The following CNTNAP3B variants were observed in gnomAD, a reference collection of about 807,000 sequenced individuals.
CNTNAP3B encodes contactin associated protein family member 3B.
Under a neutral mutation model 108.9 loss-of-function variants are expected in CNTNAP3B, and 25 were observed. The observed-to-expected ratio is 0.23, with a 90% CI of 0.17 to 0.32. The LOEUF is 0.32. Among genes scored for constraint, CNTNAP3B ranks in the 10% least tolerant of loss-of-function variants. The pLI, the probability that CNTNAP3B is intolerant of heterozygous loss-of-function variation, is 1.00. For missense variants in CNTNAP3B, 252 were observed against 1,210.4 expected (o/e 0.21, Z 11.75); for synonymous variants, 103 against 473.4 (o/e 0.22, Z 10.16).
intron 18 of CNTNAP3B, among the ~76,000 whole-genome samples, chr9:41,915,317 C>T: frequency 2.6e-5 from 1 of 39,140 alleles, no homozygotes; most frequent in South Asian, 1.0e-3. Context: ...GAAATACAAC[C>T]AAATTTTTGG....
At chr9:42,118,555 C>T (rs1828376917) in intron 1 of CNTNAP3B, among the ~76,000 whole-genome samples, 1 of 128,980 alleles carries the variant, frequency 7.8e-6, no homozygotes, top group Admixed American at 7.8e-5. Context: ...CTATGACAAA[C>T]CCACAGCCAA....
intron 1 of CNTNAP3B, among the ~76,000 whole-genome samples, chr9:42,108,917 A>G (rs1828134473): frequency 7.1e-6 from 1 of 140,522 alleles, no homozygotes. Context: ...ACAGCAGAAG[A>G]TTAAAATTAG....
chr9:42,035,563 GA>G (rs1186210573), intron 3 of CNTNAP3B, among the ~76,000 whole-genome samples: 4 of 147,702 alleles, frequency 2.7e-5, no homozygotes, highest in Admixed American at 2.0e-4. Flanking sequence ...ATAAAATTAT[GA>G]AAATAGTATA....
At chr9:41,942,213 C>T (rs1217857449) in intron 13 of CNTNAP3B, among the ~76,000 whole-genome samples, 4 of 152,394 alleles carry the variant, frequency 2.6e-5, no homozygotes, top group South Asian at 2.1e-4. Context: ...CGGTGGCTCA[C>T]GCCTGTAATC....
chr9:41,957,789 C>T (rs1416889154), intron 12 of CNTNAP3B, among the ~76,000 whole-genome samples: 1 of 152,292 alleles, frequency 6.6e-6, no homozygotes, highest in Admixed American at 6.5e-5. Flanking sequence ...GAGACAAAAT[C>T]TCGCTCTGTC....
chr9:41,950,747 CTTTTTTTTTT>C (rs1196034038), intron 13 of CNTNAP3B, among the ~76,000 whole-genome samples: 2 of 92,414 alleles, frequency 2.2e-5, no homozygotes, highest in Non-Finnish European at 4.0e-5. Context: ...AGGAGGAATT[CTTTTTTTTTT>C]TTTTTTTTTT....
chr9:42,026,674 GTGAA>G (rs1183360985), intron 3 of CNTNAP3B, among the ~76,000 whole-genome samples: 1 of 115,276 alleles, frequency 8.7e-6, no homozygotes, highest in Non-Finnish European at 1.8e-5. Flanking sequence ...ACATAATAGA[GTGAA>G]ATAACCCTTC....
At chr9:41,932,698 T>G (rs1824016774) in intron 14 of CNTNAP3B, among the ~76,000 whole-genome samples, 1 of 152,058 alleles carries the variant, frequency 6.6e-6, no homozygotes, top group African/African-American at 2.4e-5. Context: ...TTTTGTATTT[T>G]TAGTATAGAC....
At chr9:41,926,200 G>A (rs1823814422) in intron 15 of CNTNAP3B, among the ~76,000 whole-genome samples, 1 of 152,404 alleles carries the variant, frequency 6.6e-6, no homozygotes, top group South Asian at 2.1e-4. Flanking sequence ...TCCTCAGTGA[G>A]GTCACTCCTA....
chr9:42,116,906 C>T (rs1282123177), intron 1 of CNTNAP3B, among the ~76,000 whole-genome samples: 1 of 137,614 alleles, frequency 7.3e-6, no homozygotes, highest in East Asian at 2.2e-4. Flanking sequence ...TTTAAACCAA[C>T]AAAGATCAAA....
chr9:41,963,226 G>A (rs1261816056), intron 11 of CNTNAP3B, among the ~76,000 whole-genome samples: 5 of 152,266 alleles, frequency 3.3e-5, no homozygotes, highest in African/African-American at 1.2e-4. Context: ...GTTCTTAAAA[G>A]TTTCAATTAG....
At position 42,127,156 on chromosome 9, in the gene CNTNAP3B, G is replaced by C. The variant is rs1229831459; in HGVS notation, c.85+1854C>G. 5.8e-5 allele frequency among the ~76,000 whole-genome samples: 8 copies of C among 138,690 alleles called. 1 individual carries two copies. The East Asian group carries it at 1.7e-3, about 30-fold the overall frequency. 91.0% of individuals were successfully genotyped at this position (138,690 alleles called of 152,430 possible). On this transcript the variant is annotated intron_variant, in intron 1 of 23. Transcript: ENST00000377561. ...AGGATACTAAGTTTCATCAACGAAA[G>C]AAGACTGAAAACACCCACAGTAGTA... is the stretch of plus-strand genomic sequence containing the variant.
intron 18 of CNTNAP3B, among the ~76,000 whole-genome samples, chr9:41,913,728 T>C (rs1823459056): frequency 7.5e-6 from 1 of 133,290 alleles, no homozygotes; most frequent in Non-Finnish European, 1.6e-5. Context: ...TCTCTACAAA[T>C]TTGTCTATTG....
chr9:41,958,661 G>A (rs1294138607), intron 12 of CNTNAP3B, among the ~76,000 whole-genome samples: 2 of 151,968 alleles, frequency 1.3e-5, no homozygotes, highest in African/African-American at 4.8e-5. Flanking sequence ...GATGGCCAGA[G>A]GTGGGTAATT....
chr9:42,089,928 A>C (rs1409971009), intron 2 of CNTNAP3B, among the ~76,000 whole-genome samples: 1 of 138,732 alleles, frequency 7.2e-6, no homozygotes, highest in East Asian at 2.2e-4. Context: ...CAATATATAA[A>C]GCCCGTTTGA....
chr9:41,973,155 G>T (rs2118274764), intron 9 of CNTNAP3B, among the ~76,000 whole-genome samples: 1 of 141,308 alleles, frequency 7.1e-6, no homozygotes, highest in Admixed American at 7.1e-5. Flanking sequence ...CACCATATTA[G>T]CCAGGATGGT....
rs1297131407 is a variant in CNTNAP3B at position 42,057,367 on chromosome 9, G to A, written c.390+19502C>T. ...TTACAGGAGCACGCCACCACACCCA[G>A]CTAATTTCTGTATTTTTAGTAGAGA... On this transcript the variant is annotated intron_variant, in intron 3 of 23. Coordinates refer to ENST00000377561, the MANE Select transcript of CNTNAP3B (RefSeq NM_001201380.3). Among the ~76,000 whole-genome samples, 4 of 84,228 alleles carry A rather than the reference G, an allele frequency of 4.7e-5. 1 individual carries two copies. The highest frequency in any genetic ancestry group is 1.8e-4 in the African/African-American group (4 of 21,712). 55.3% of individuals were successfully genotyped at this position (84,228 alleles called of 152,430 possible).
intron 15 of CNTNAP3B, among the ~76,000 whole-genome samples, chr9:41,924,751 T>A (rs1401607047): frequency 1.3e-5 from 2 of 152,210 alleles, no homozygotes; most frequent in Non-Finnish European, 2.9e-5. Context: ...TTTGTTCCCT[T>A]CTGTCCAAAA....
At chr9:41,962,796 A>G (rs181615248) in intron 11 of CNTNAP3B, among the ~76,000 whole-genome samples, 298 of 152,090 alleles carry the variant, frequency 2.0e-3, no homozygotes, top group African/African-American at 6.7e-3. Flanking sequence ...TCTACTAAAA[A>G]TACAAAAAAT....
Sources: gnomAD v4.1 joint callset for allele counts (sites outside exome capture counted in the v4.1 genomes callset) on GRCh38, gnomAD v4.1.1 for gene constraint, MANE v1.5 for transcripts, NCBI Gene and HGNC (gene_info 2026-07-23, HGNC 2026-07-21) for gene names.